ERGIC2: variants seen among roughly 807,000 people sequenced by gnomAD.
The protein encoded by ERGIC2 is ERGIC and golgi 2.
In ERGIC2, 31 loss-of-function variants were observed where a neutral mutation model predicts 52.5. That is an observed-to-expected ratio of 0.59 (90% confidence interval 0.44 to 0.80). The LOEUF (loss-of-function observed/expected upper bound fraction) is 0.80, where lower values mean the gene tolerates loss of function less well. Among genes scored for constraint, ERGIC2 ranks in the 30% least tolerant of loss-of-function variants. The pLI, the probability that ERGIC2 is intolerant of heterozygous loss-of-function variation, is 0.00. For missense variants in ERGIC2, 395 were observed against 455.2 expected (o/e 0.87, Z 1.20); for synonymous variants, 129 against 140.6 (o/e 0.92, Z 0.58).
At chr12:29,374,724 TCTGC>T (rs1940491334) in intron 1 of ERGIC2, among the ~76,000 whole-genome samples, 1 of 152,216 alleles carries the variant, frequency 6.6e-6, no homozygotes, top group Non-Finnish European at 1.5e-5. Context: ...TTCTCTTAAA[TCTGC>T]CTGTCTTCTC....
Position 29,368,274 on chromosome 12 carries a change from T to G in ERGIC2, c.229A>C (p.Asn77His). ...TTCATGGCAACAGTAATATCTATAT[T>G]AATTCTTAATTTGCTGAAAGACAAA... is the stretch of plus-strand genomic sequence containing the variant. Reference protein sequence around the residue: ...DKDFSSKLRINIDITVAMKCQ... With the variant: ...DKDFSSKLRIHIDITVAMKCQ... Residue 77 changes from asparagine (N) to histidine (H), a missense_variant, in exon 4 of 14, where the codon AAT becomes CAT. Asn to His is a moderately conservative substitution (Grantham distance 68). Transcript: ENST00000360150. The G allele has an allele frequency of 6.5e-7, 1 of 1,539,798 alleles. No individual in the cohort carries two copies. The highest frequency in any genetic ancestry group is 1.4e-5 in the African/African-American group (1 of 73,392).
intron 5 of ERGIC2, among the ~76,000 whole-genome samples, chr12:29,364,950 A>C (rs1188394768): frequency 9.3e-6 from 1 of 107,742 alleles, no homozygotes; most frequent in African/African-American, 3.1e-5. Context: ...AGTCAAAAAG[A>C]AAAAAAAAAA....
chr12:29,346,538 G>A (rs1044002667), intron 10 of ERGIC2, among the ~76,000 whole-genome samples: 3 of 151,962 alleles, frequency 2.0e-5, no homozygotes, highest in African/African-American at 7.2e-5. Context: ...AATTATAAGA[G>A]AATAACCACC....
chr12:29,344,407 C>G (rs573011679), intron 11 of ERGIC2, among the ~76,000 whole-genome samples: 2 of 152,270 alleles, frequency 1.3e-5, no homozygotes, highest in East Asian at 3.9e-4. Flanking sequence ...CCAAAGTCTT[C>G]TCAACTGTAT....
chr12:29,342,173 G>A (rs74655698), intron 12 of ERGIC2, among the ~76,000 whole-genome samples: 4,820 of 152,160 alleles, frequency 0.032, 102 homozygotes, highest in East Asian at 0.07. Flanking sequence ...CACCATGCCC[G>A]GCTAATTTTT....
intron 12 of ERGIC2, among the ~76,000 whole-genome samples, chr12:29,342,022 CT>C (rs547754640): frequency 1.6e-4 from 23 of 147,534 alleles, no homozygotes; most frequent in Admixed American, 1.4e-4. Context: ...TCAGCACAAT[CT>C]TTTTTTTTTT....
chr12:29,374,241 T>C (rs1214511720), intron 1 of ERGIC2, among the ~76,000 whole-genome samples: 1 of 152,202 alleles, frequency 6.6e-6, no homozygotes, highest in Admixed American at 6.5e-5. Flanking sequence ...TCAGTCCTTA[T>C]CTAACTGCAC....
At chr12:29,357,021 G>A (rs1229912489) in intron 7 of ERGIC2, among the ~76,000 whole-genome samples, 3 of 146,792 alleles carry the variant, frequency 2.0e-5, no homozygotes, top group Non-Finnish European at 4.5e-5. Context: ...AGGCTGGAGT[G>A]TAGTGGTGCA....
chr12:29,362,932 T>C lies in ERGIC2; in HGVS notation c.334-1247A>G, dbSNP rs528663241. Among the ~76,000 whole-genome samples, 44 of 152,330 alleles carry C rather than the reference T, an allele frequency of 2.9e-4. No homozygotes were observed. The East Asian group carries it at 6.4e-3, about 22-fold the overall frequency. ...TCCAGCTAATGTATAAATAAAATGATTGACAGTGGCGACTATATGATTTTT... is the reference window on the plus strand; with the variant it reads ...TCCAGCTAATGTATAAATAAAATGACTGACAGTGGCGACTATATGATTTTT... On this transcript the variant is annotated intron_variant, in intron 5 of 13. Transcript: ENST00000360150.
At chr12:29,362,307 G>A (rs2136868944) in intron 5 of ERGIC2, among the ~76,000 whole-genome samples, 1 of 152,246 alleles carries the variant, frequency 6.6e-6, no homozygotes, top group East Asian at 1.9e-4. Context: ...CGGGCATGGT[G>A]GCTCAAGCCT....
chr12:29,359,190 C>G (rs1340071966), intron 6 of ERGIC2, among the ~76,000 whole-genome samples: 1 of 151,542 alleles, frequency 6.6e-6, no homozygotes, highest in Non-Finnish European at 1.5e-5. Context: ...ATCTAGGATG[C>G]TTCAAGAAGC....
In ERGIC2 at chr12:29,339,403, T is replaced by C. The variant is rs948523074; in HGVS notation, c.*1753A>G. 6 of 152,138 alleles carry C rather than the reference T, an allele frequency of 3.9e-5. No individual in the cohort carries two copies. The highest frequency in any genetic ancestry group is 1.4e-4 in the African/African-American group (6 of 41,444). 9.4% of individuals were successfully genotyped at this position (152,138 alleles called of 1,614,324 possible). On this transcript the variant is annotated 3_prime_UTR_variant, in exon 14 of 14. Coordinates refer to ENST00000360150, the MANE Select transcript of ERGIC2 (RefSeq NM_016570.3). ...ACTCGATTGAATTTTCTTCCAAGCA[T>C]ACTTAAAGGACCAACAATCAGTCTA... is the stretch of plus-strand genomic sequence containing the variant.
In ERGIC2 at chr12:29,354,885, G is replaced by A. The variant is rs550581167; in HGVS notation, c.572+1497C>T. Among the ~76,000 whole-genome samples the A allele has an allele frequency of 2.0e-5, 3 of 152,274 alleles. No homozygotes were observed. The South Asian group carries it at 6.2e-4, about 32-fold the overall frequency. ...AATCTGCTAAATTTCTTTAAGCTAA[G>A]ATTTCAAGACATTCCAAGGTTCCCA... On this transcript the variant is annotated intron_variant, in intron 8 of 13. Coordinates refer to ENST00000360150, the MANE Select transcript of ERGIC2 (RefSeq NM_016570.3).
Position 29,343,152 on chromosome 12 carries a change from CAG to C in ERGIC2, c.954_955del (p.Cys319TrpfsTer22). 2 of 1,610,288 alleles carry C rather than the reference CAG, an allele frequency of 1.2e-6. No individual in the cohort carries two copies. Among genetic ancestry groups the C allele is most frequent in the East Asian group, 2.2e-5 (1 of 44,792 alleles). On this transcript the variant is annotated frameshift_variant, in exon 12 of 14. Transcript: ENST00000360150. LOFTEE classifies it high-confidence loss of function. ...TGAAAAGATTCCTCCAACAATACCACAGAGTCTTACAAAAAACTGCCAGAATG... is the reference window on the plus strand; with the variant it reads ...TGAAAAGATTCCTCCAACAATACCACAGTCTTACAAAAAACTGCCAGAATG...
intron 1 of ERGIC2, chr12:29,372,602 T>C (rs1241891913): frequency 6.6e-6 from 1 of 152,124 alleles, no homozygotes; most frequent in Admixed American, 6.5e-5. Flanking sequence ...ACAAATCCAT[T>C]GTATCCAATG....
intron 8 of ERGIC2, among the ~76,000 whole-genome samples, chr12:29,350,667 T>C (rs1028262527): frequency 2.0e-5 from 3 of 152,150 alleles, no homozygotes; most frequent in African/African-American, 7.2e-5. Flanking sequence ...GATTAATAAC[T>C]TCCAATCTAA....
At chr12:29,380,162 G>A (rs1316363032) in intron 1 of ERGIC2, among the ~76,000 whole-genome samples, 2 of 151,840 alleles carry the variant, frequency 1.3e-5, no homozygotes, top group Non-Finnish European at 2.9e-5. Flanking sequence ...ACTAGAACTG[G>A]CATAATTACA....
intron 1 of ERGIC2, among the ~76,000 whole-genome samples, chr12:29,375,802 C>A (rs1265008132): frequency 6.6e-6 from 1 of 152,104 alleles, no homozygotes; most frequent in Non-Finnish European, 1.5e-5. Context: ...CAGGGGATAT[C>A]ACTCTAGAAT....
intron 11 of ERGIC2, 127 bp from the exon 12 acceptor site, chr12:29,343,409 T>G: frequency 1.7e-6 from 1 of 585,572 alleles, no homozygotes; most frequent in Non-Finnish European, 2.8e-6. Context: ...GACATCCACA[T>G]TTCCTTATGA....
Sources: gnomAD v4.1 joint callset for allele counts (sites outside exome capture counted in the v4.1 genomes callset) on GRCh38, gnomAD v4.1.1 for gene constraint, MANE v1.5 for transcripts, NCBI Gene and HGNC (gene_info 2026-07-23, HGNC 2026-07-21) for gene names.